The following HNRNPF variants were observed in gnomAD, a reference collection of about 807,000 sequenced individuals.
The protein encoded by HNRNPF is heterogeneous nuclear ribonucleoprotein F, also known as HnRNP F protein.
In HNRNPF, 2 loss-of-function variants were observed where a neutral mutation model predicts 26.0. The observed-to-expected ratio is 0.08, with a 90% CI of 0.03 to 0.24. The LOEUF is 0.24. Among genes scored for constraint, HNRNPF ranks in the 10% least tolerant of loss-of-function variants. The pLI is 1.00. For missense variants in HNRNPF, 299 were observed against 539.2 expected (o/e 0.55, Z 4.41); for synonymous variants, 234 against 211.5 (o/e 1.11, Z -0.92).
chr10:43,407,839 G>A (rs902519273), intron 1 of HNRNPF: 13 of 152,182 alleles, frequency 8.5e-5, no homozygotes, highest in African/African-American at 3.1e-4. Context: ...GGAGGGCGGA[G>A]CCAACTCCCC....
At chr10:43,395,427 G>A (rs1012368628) in intron 2 of HNRNPF, among the ~76,000 whole-genome samples, 1 of 152,196 alleles carries the variant, frequency 6.6e-6, no homozygotes, top group African/African-American at 2.4e-5. Flanking sequence ...TAGGACACGG[G>A]CTGAGGGCTA....
intron 1 of HNRNPF, among the ~76,000 whole-genome samples, chr10:43,398,866 T>C (rs1409128907): frequency 6.6e-6 from 1 of 152,096 alleles, no homozygotes; most frequent in Non-Finnish European, 1.5e-5. Context: ...AGAATGCACT[T>C]ACTAAATAAC....
chr10:43,408,134 G>A (rs1454118437), intron 1 of HNRNPF, among the ~76,000 whole-genome samples: 3 of 152,106 alleles, frequency 2.0e-5, no homozygotes, highest in Admixed American at 2.0e-4. Flanking sequence ...TGTTGCCCAG[G>A]CTTGTCGGGA....
chr10:43,401,639 A>C (rs1838757118), intron 1 of HNRNPF, among the ~76,000 whole-genome samples: 1 of 152,218 alleles, frequency 6.6e-6, no homozygotes, highest in African/African-American at 2.4e-5. Flanking sequence ...AGATTCCGCT[A>C]AACAAAAATA....
chr10:43,398,103 C>T (rs924223947), intron 1 of HNRNPF, among the ~76,000 whole-genome samples: 1 of 152,154 alleles, frequency 6.6e-6, no homozygotes, highest in Non-Finnish European at 1.5e-5. Flanking sequence ...TCTTGGCTCA[C>T]TGCAACCTCT....
chr10:43,392,708 T>C (rs1456100438), intron 3 of HNRNPF, among the ~76,000 whole-genome samples: 1 of 152,240 alleles, frequency 6.6e-6, no homozygotes, highest in Non-Finnish European at 1.5e-5. Flanking sequence ...TTAGACAGTC[T>C]CTGAGTCCTT....
chr10:43,386,811 T>C lies in HNRNPF; in HGVS notation c.1074A>G (p.Glu358=), dbSNP rs1187555925. ...DRANMQHRYI[E]LFLNSTTGAS... ...CCCCTGTTGTTGAATTCAAGAAGAG[T>C]TCTATATATCTGTGCTGCATATTGG... Residue 358 remains glutamate (E), a synonymous_variant, in exon 4 of 4, where the codon GAA becomes GAG. Transcript: ENST00000682386. The C allele has an allele frequency of 1.2e-6, 2 of 1,613,474 alleles. No homozygotes were observed. Among genetic ancestry groups the C allele is most frequent in the East Asian group, 4.5e-5 (2 of 44,870 alleles).
intron 1 of HNRNPF, among the ~76,000 whole-genome samples, chr10:43,404,275 T>A (rs1838841781): frequency 7.1e-6 from 1 of 139,964 alleles, no homozygotes. Context: ...CACTCCAGCC[T>A]GGGTGACAGA....
chr10:43,405,314 ATATAAGGTG>A (rs1239190333), intron 1 of HNRNPF, among the ~76,000 whole-genome samples: 1 of 152,214 alleles, frequency 6.6e-6, no homozygotes, highest in Non-Finnish European at 1.5e-5. Context: ...TATCTACAAA[ATATAAGGTG>A]TGACTTTGGA....
intron 1 of HNRNPF, among the ~76,000 whole-genome samples, chr10:43,398,265 C>T (rs994818139): frequency 5.3e-5 from 8 of 152,026 alleles, no homozygotes; most frequent in African/African-American, 1.9e-4. Context: ...ACCTCGTGAT[C>T]CCCCTGCCTC....
At position 43,387,443 on chromosome 10, in the gene HNRNPF, C is replaced by T. The variant is rs1457498637; in HGVS notation, c.442G>A (p.Glu148Lys). Residue 148 changes from glutamate (E) to lysine (K), a missense_variant, in exon 4 of 4, where the codon GAA (glutamate) becomes AAA (lysine). Coordinates refer to ENST00000682386, the MANE Select transcript of HNRNPF (RefSeq NM_001098204.2). This position sits in a 1 kb window ranked among gnomAD's most constrained non-coding sequence, Gnocchi z 6.0. ...AACGCTTCCCCTGTAATCTTGCCTT[C>T]GGGGTCCACAGGCAATGTGATCCCG... The part of the protein sequence containing the change: ...PNGITLPVDP[E>K]GKITGEAFVQ... 3.1e-6 allele frequency: 5 copies of T among 1,614,078 alleles called. No individual in the cohort carries two copies. The highest frequency in any genetic ancestry group is 2.7e-5 in the African/African-American group (2 of 74,928).
intron 1 of HNRNPF, among the ~76,000 whole-genome samples, chr10:43,398,190 G>A (rs1046927706): frequency 3.3e-5 from 5 of 151,992 alleles, no homozygotes; most frequent in Non-Finnish European, 7.4e-5. Flanking sequence ...ACTATACCCA[G>A]CTAGTTTTTG....
intron 3 of HNRNPF, among the ~76,000 whole-genome samples, chr10:43,389,956 A>G (rs534789413): frequency 1.3e-5 from 2 of 152,312 alleles, no homozygotes; most frequent in African/African-American, 4.8e-5. Flanking sequence ...GATTGGGCAT[A>G]AATAATCCTA....
At chr10:43,404,597 C>A (rs544589420) in intron 1 of HNRNPF, among the ~76,000 whole-genome samples, 2 of 152,174 alleles carry the variant, frequency 1.3e-5, no homozygotes, top group South Asian at 2.1e-4. Context: ...GTGGCTCACA[C>A]CAGTAATCCC....
At chr10:43,389,312 AAT>A (rs1838153611) in intron 3 of HNRNPF, among the ~76,000 whole-genome samples, 1 of 152,168 alleles carries the variant, frequency 6.6e-6, no homozygotes, top group Non-Finnish European at 1.5e-5. Context: ...CATCAAGCAT[AAT>A]AGATATAGCT....
At chr10:43,402,406 G>C (rs1326776298) in intron 1 of HNRNPF, among the ~76,000 whole-genome samples, 1 of 152,090 alleles carries the variant, frequency 6.6e-6, no homozygotes, top group Non-Finnish European at 1.5e-5. Flanking sequence ...TTCTCTTGCT[G>C]CCTCCATCTG....
chr10:43,400,746 A>G (rs1838727777), intron 1 of HNRNPF, among the ~76,000 whole-genome samples: 1 of 152,208 alleles, frequency 6.6e-6, no homozygotes, highest in African/African-American at 2.4e-5. Flanking sequence ...TGAGAATTCT[A>G]ACCCAATTCA....
chr10:43,401,770 G>A (rs1318664913), intron 1 of HNRNPF, among the ~76,000 whole-genome samples: 1 of 152,226 alleles, frequency 6.6e-6, no homozygotes, highest in Non-Finnish European at 1.5e-5. Context: ...AAGGAGGCCT[G>A]TGGGGTATCC....
chr10:43,398,344 G>GTTGTT (rs1554790099), intron 1 of HNRNPF, among the ~76,000 whole-genome samples: 1 of 125,488 alleles, frequency 8.0e-6, no homozygotes, highest in Non-Finnish European at 1.7e-5. Flanking sequence ...TGTTGTTGTT[G>GTTGTT]TTTTTTTTTT....
Sources: gnomAD v4.1 joint callset for allele counts (sites outside exome capture counted in the v4.1 genomes callset) on GRCh38, gnomAD v4.1.1 for gene constraint, Gnocchi (gnomAD v3.1) non-coding constraint, MANE v1.5 for transcripts, NCBI Gene and HGNC (gene_info 2026-07-23, HGNC 2026-07-21) for gene names.